The following CLTRN variants were observed in gnomAD, a reference collection of about 807,000 sequenced individuals.
The protein encoded by CLTRN is collectrin.
A neutral mutation model predicts 14.5 loss-of-function variants in CLTRN; 12 were observed. That is an observed-to-expected ratio of 0.83 (90% CI 0.53 to 1.34). The LOEUF (loss-of-function observed/expected upper bound fraction) is 1.34. Among genes scored for constraint, CLTRN ranks in the 40% most tolerant of loss-of-function variants. The pLI, the probability that CLTRN is intolerant of heterozygous loss-of-function variation, is 0.00. For missense variants in CLTRN, 154 were observed against 165.1 expected (o/e 0.93, Z 0.37); for synonymous variants, 58 against 56.5 (o/e 1.03, Z -0.12).
chrX:15,667,315 G>T (rs770447316), upstream of CLTRN, among the ~76,000 whole-genome samples: 16 of 112,425 alleles, frequency 1.4e-4, no homozygotes, highest in Admixed American at 2.8e-4. Flanking sequence ...CTTCATAAAA[G>T]TATCAAGTGG....
intron 2 of CLTRN, 113 bp from the exon 3 acceptor site, chrX:15,659,214 GCA>G (rs990990103): frequency 9.8e-4 from 236 of 241,308 alleles, no homozygotes; most frequent in East Asian, 2.6e-3. Context: ...ACACACACAC[GCA>G]CACACACACA....
chrX:15,655,689 C>G (rs912245402), intron 3 of CLTRN, among the ~76,000 whole-genome samples: 2 of 112,025 alleles, frequency 1.8e-5, no homozygotes, highest in African/African-American at 6.5e-5. Context: ...GAAGTAGCCA[C>G]CAGTTTCTGT....
intron 4 of CLTRN, among the ~76,000 whole-genome samples, chrX:15,643,655 C>T (rs1035509506): frequency 8.9e-6 from 1 of 112,193 alleles, no homozygotes; most frequent in Non-Finnish European, 1.9e-5. Context: ...TTCTTAGTGG[C>T]CACAGTGAAG....
chrX:15,644,809 T>C, intron 4 of CLTRN, 107 bp downstream of exon 4: 1 of 483,459 alleles, frequency 2.1e-6, no homozygotes, highest in Non-Finnish European at 3.4e-6. Context: ...TTTTAATAAA[T>C]AATTCATGTA....
chrX:15,662,812 C>T (rs1034820524), intron 2 of CLTRN, among the ~76,000 whole-genome samples: 4 of 111,539 alleles, frequency 3.6e-5, no homozygotes, highest in Non-Finnish European at 5.6e-5. Flanking sequence ...GGCCTCTCAA[C>T]GGCATTTGAT....
At chrX:15,664,517 G>T in intron 1 of CLTRN, 122 bp from the exon 2 acceptor site, 1 of 669,128 alleles carries the variant, frequency 1.5e-6, no homozygotes, top group Non-Finnish European at 2.3e-6. Flanking sequence ...CAATTAAACA[G>T]CCCCAAATAC....
At chrX:15,675,420 A>T (rs1313480117), upstream of CLTRN, 3 of 43,179 alleles carry the variant, frequency 6.9e-5, no homozygotes, top group Non-Finnish European at 7.7e-5. Context: ...ACGTGCCTCG[A>T]ACGTGGGGGG....
At chrX:15,646,717 C>T (rs1357979035) in intron 3 of CLTRN, 1 of 341,188 alleles carries the variant, frequency 2.9e-6, no homozygotes, top group Non-Finnish European at 5.9e-6. Flanking sequence ...AACAGGCTGC[C>T]GCTGCTGAGC....
At chrX:15,632,539 A>G (rs1232987375) in intron 5 of CLTRN, among the ~76,000 whole-genome samples, 2 of 103,148 alleles carry the variant, frequency 1.9e-5, no homozygotes, top group Non-Finnish European at 4.0e-5. Context: ...GTTCGCACCA[A>G]TGCACTCCAG....
At chrX:15,651,276 A>AAGAGT (rs1463041690) in intron 3 of CLTRN, among the ~76,000 whole-genome samples, 1 of 111,537 alleles carries the variant, frequency 9.0e-6, no homozygotes, top group East Asian at 2.8e-4. Flanking sequence ...TGGTTAGGAA[A>AAGAGT]AGAGTTCCTA....
At chrX:15,648,906 C>T (rs1929154093) in intron 3 of CLTRN, among the ~76,000 whole-genome samples, 2 of 111,462 alleles carry the variant, frequency 1.8e-5, no homozygotes, top group Non-Finnish European at 3.8e-5. Context: ...ATAAATTAAA[C>T]AAATACCAAA....
chrX:15,663,114 C>T (rs1351100973), intron 2 of CLTRN, among the ~76,000 whole-genome samples: 1 of 111,978 alleles, frequency 8.9e-6, no homozygotes, highest in Non-Finnish European at 1.9e-5. Flanking sequence ...CTTGACAAAG[C>T]CGAAGTGCCC....
intron 4 of CLTRN, among the ~76,000 whole-genome samples, chrX:15,640,856 T>A (rs1287416271): frequency 8.9e-6 from 1 of 111,981 alleles, no homozygotes; most frequent in African/African-American, 3.3e-5. Flanking sequence ...GGGTGACAGA[T>A]CAGTAGATCC....
At chrX:15,628,235 G>C in intron 5 of CLTRN, 108 bp from the exon 6 acceptor site, 1 of 508,557 alleles carries the variant, frequency 2.0e-6, no homozygotes, top group Admixed American at 5.2e-5. Context: ...AGGAACCTTA[G>C]AACAATGAAA....
intron 4 of CLTRN, 136 bp from the exon 5 acceptor site, chrX:15,639,892 G>A: frequency 1.6e-6 from 1 of 624,847 alleles, no homozygotes; most frequent in Non-Finnish European, 2.4e-6. Flanking sequence ...ACTTCAAGTT[G>A]ACTAAAAAGT....
intron 3 of CLTRN, among the ~76,000 whole-genome samples, chrX:15,650,066 T>C (rs1395331201): frequency 1.0e-5 from 1 of 98,658 alleles, no homozygotes; most frequent in African/African-American, 3.8e-5. Flanking sequence ...GTATGATATA[T>C]AGCAGCATCC....
At chrX:15,668,665 T>C (rs1006152022), upstream of CLTRN, among the ~76,000 whole-genome samples, 1 of 111,812 alleles carries the variant, frequency 8.9e-6, no homozygotes, top group East Asian at 2.8e-4. Flanking sequence ...CTTTACCATC[T>C]TGAAAATGAT....
chrX:15,646,599 G>A (rs1167951992), intron 3 of CLTRN: 53 of 339,215 alleles, frequency 1.6e-4, no homozygotes, highest in African/African-American at 1.3e-3. Flanking sequence ...CCTCCCCACC[G>A]CTCCTCCCAG....
At chrX:15,652,424 C>T (rs1473535399) in intron 3 of CLTRN, among the ~76,000 whole-genome samples, 1 of 106,463 alleles carries the variant, frequency 9.4e-6, no homozygotes, top group Non-Finnish European at 1.9e-5. Flanking sequence ...CATATTGTTT[C>T]ACACATATGT....
Sources: gnomAD v4.1 joint callset for allele counts (sites outside exome capture counted in the v4.1 genomes callset) on GRCh38, gnomAD v4.1.1 for gene constraint, MANE v1.5 for transcripts, NCBI Gene and HGNC (gene_info 2026-07-23, HGNC 2026-07-21) for gene names.